Variants in RNF150 observed in about 807,000 individuals in gnomAD.
The protein encoded by RNF150 is ring finger protein 150.
A neutral mutation model predicts 39.3 loss-of-function variants in RNF150; 24 were observed. The observed-to-expected ratio is 0.61, with a 90% CI of 0.44 to 0.86. The LOEUF (loss-of-function observed/expected upper bound fraction) is 0.86, where lower values mean the gene tolerates loss of function less well. Ranked by LOEUF, RNF150 falls within the 40% of genes least tolerant of loss-of-function variation. The probability of loss-of-function intolerance (pLI) is 0.00; values close to 1 mark genes in which losing one functional copy is unlikely to be tolerated. For synonymous variants in RNF150, 255 were observed against 227.3 expected (o/e 1.12, Z -1.10); for missense variants, 502 against 587.8 (o/e 0.85, Z 1.51).
rs1199647583 is a variant in RNF150, at chr4:140,986,233, C to T, written c.485-18360G>A. ...GAAGAAAATGCGCTGCCCACGTCTG[C>T]TTTCTAGAACCTGAACGGAAAGACA... On this transcript the variant is annotated intron_variant, in intron 1 of 6. Coordinates refer to ENST00000515673, the MANE Select transcript of RNF150 (RefSeq NM_020724.2). 5.3e-5 allele frequency among the ~76,000 whole-genome samples: 8 copies of T among 152,168 alleles called. No individual in the cohort carries two copies. In the South Asian group the frequency reaches 1.7e-3, roughly 32 times the overall value.
chr4:140,876,989 T>G (rs1186010275), intron 6 of RNF150, among the ~76,000 whole-genome samples: 1 of 152,248 alleles, frequency 6.6e-6, no homozygotes, highest in Non-Finnish European at 1.5e-5. Flanking sequence ...TGGGGAAGTT[T>G]AAAACATTGT....
At chr4:141,212,656 A>T (rs950254163) in intron 1 of RNF150, 3 of 152,196 alleles carry the variant, frequency 2.0e-5, no homozygotes, top group African/African-American at 7.2e-5. Context: ...AGCTTTATGC[A>T]AGAGTCTCCA....
chr4:140,972,267 T>C (rs1733496345), intron 1 of RNF150, among the ~76,000 whole-genome samples: 1 of 152,146 alleles, frequency 6.6e-6, no homozygotes, highest in Non-Finnish European at 1.5e-5. Context: ...AAATACCATA[T>C]AAATGTAAAG....
intron 1 of RNF150, among the ~76,000 whole-genome samples, chr4:141,177,226 T>A (rs934949299): frequency 1.3e-5 from 2 of 151,886 alleles, no homozygotes; most frequent in African/African-American, 4.8e-5. Flanking sequence ...TAAGACCTTA[T>A]CTCTTAAAAA....
At chr4:141,189,978 G>A (rs1457883321) in intron 1 of RNF150, among the ~76,000 whole-genome samples, 2 of 152,162 alleles carry the variant, frequency 1.3e-5, no homozygotes, top group Admixed American at 1.3e-4. Flanking sequence ...CTTGGTGTCT[G>A]CCCAAACAGC....
intron 1 of RNF150, among the ~76,000 whole-genome samples, chr4:140,997,688 CTGTGTGTGTATATATACACACACATA>C: frequency 7.3e-6 from 1 of 137,150 alleles, no homozygotes; most frequent in Non-Finnish European, 1.6e-5. Context: ...GCACTCCAGC[CTGTGTGTGTATATATACACACACATA>C]TATGTGTGTA....
chr4:140,891,676 G>T (rs1729758383), intron 6 of RNF150, among the ~76,000 whole-genome samples: 1 of 152,102 alleles, frequency 6.6e-6, no homozygotes, highest in Non-Finnish European at 1.5e-5. Flanking sequence ...AAATGGTGTA[G>T]AATCTGCATA....
Position 141,132,374 on chromosome 4 carries a change from G to A in RNF150, c.435C>T (p.Ile145=). The change falls in exon 1 of 7, where the codon ATC becomes ATT. Residue 145 remains isoleucine (I), a synonymous_variant. Coordinates refer to ENST00000515673, the MANE Select transcript of RNF150 (RefSeq NM_020724.2). The surrounding 1 kb of genome is among the most constrained non-coding windows in gnomAD (Gnocchi z 4.9). Reference sequence around the variant, plus strand: ...CGTTGGTGTTGGAGCCCACGTTGAAGATGACCACGGCTGAGGCGTTCTGCA... The same window carrying A: ...CGTTGGTGTTGGAGCCCACGTTGAAAATGACCACGGCTGAGGCGTTCTGCA... ...AFLQNASAVV[I]FNVGSNTNET... is the part of the protein sequence containing the mutation. 6.3e-7 allele frequency: 1 copy of A among 1,599,296 alleles called. No individual in the cohort carries two copies. The highest frequency in any genetic ancestry group is 8.5e-7 in the Non-Finnish European group (1 of 1,173,392).
intron 4 of RNF150, among the ~76,000 whole-genome samples, chr4:140,941,369 A>G (rs1043603933): frequency 1.3e-5 from 2 of 152,240 alleles, no homozygotes; most frequent in Non-Finnish European, 2.9e-5. Flanking sequence ...CTCCAATAAA[A>G]ACAATGGCAA....
At chr4:141,129,045 T>C (rs570201726) in intron 1 of RNF150, among the ~76,000 whole-genome samples, 1 of 152,198 alleles carries the variant, frequency 6.6e-6, no homozygotes, top group Non-Finnish European at 1.5e-5. Context: ...GCAGTTGTTT[T>C]GGAAAACAGT....
At chr4:141,147,320 G>A (rs573805876) in intron 1 of RNF150, among the ~76,000 whole-genome samples, 17 of 152,318 alleles carry the variant, frequency 1.1e-4, no homozygotes, top group African/African-American at 2.2e-4. Flanking sequence ...GCCATTCAAT[G>A]GACCTTCCAT....
chr4:140,895,943 T>C (rs992903055), intron 6 of RNF150, among the ~76,000 whole-genome samples: 2 of 149,056 alleles, frequency 1.3e-5, no homozygotes, highest in East Asian at 1.9e-4. Context: ...GAAATGCTCA[T>C]CATCACTGGC....
chr4:141,209,777 A>C (rs34402449), intron 1 of RNF150, among the ~76,000 whole-genome samples: 37,098 of 151,978 alleles, frequency 0.24, 5,054 homozygotes, highest in East Asian at 0.62. Flanking sequence ...ATAAAAAAAA[A>C]CTCTGATTTC....
chr4:140,958,187 T>C (rs1306682371), intron 2 of RNF150, among the ~76,000 whole-genome samples: 1 of 152,178 alleles, frequency 6.6e-6, no homozygotes, highest in Non-Finnish European at 1.5e-5. Flanking sequence ...ATGCGTTACA[T>C]GCAAATAATG....
chr4:141,162,379 T>C (rs933014076), intron 1 of RNF150, among the ~76,000 whole-genome samples: 2 of 152,202 alleles, frequency 1.3e-5, no homozygotes, highest in African/African-American at 4.8e-5. Flanking sequence ...CTACGCCTCA[T>C]TGCATCTTGG....
Position 140,861,292 on chromosome 4 carries a change from A to C in RNF150, c.*6969T>G, listed in dbSNP as rs1728480292. 1 of 152,230 alleles carries C rather than the reference A, an allele frequency of 6.6e-6. No homozygotes were observed. Among genetic ancestry groups the C allele is most frequent in the African/African-American group, 2.4e-5 (1 of 41,468 alleles). The allele number at this position is 152,230 out of a possible 1,614,324, so 9.4% of individuals were successfully genotyped here. Reference sequence around the variant, plus strand: ...ATAACTGCACAAACATTCTAGCCAGAGGCATCTTCTTTGCAAACAGAGCAA... The same window carrying C: ...ATAACTGCACAAACATTCTAGCCAGCGGCATCTTCTTTGCAAACAGAGCAA... On this transcript the variant is annotated 3_prime_UTR_variant, in exon 7 of 7. Coordinates refer to ENST00000515673, the MANE Select transcript of RNF150 (RefSeq NM_020724.2).
At chr4:140,946,447 T>C (rs1732315073) in intron 4 of RNF150, among the ~76,000 whole-genome samples, 1 of 152,246 alleles carries the variant, frequency 6.6e-6, no homozygotes, top group Non-Finnish European at 1.5e-5. Flanking sequence ...TGGTATATGT[T>C]TTCCTACTTT....
intron 6 of RNF150, among the ~76,000 whole-genome samples, chr4:140,875,193 G>C (rs1037942916): frequency 1.4e-5 from 2 of 143,968 alleles, no homozygotes; most frequent in Non-Finnish European, 1.5e-5. Context: ...GTGAGTGACA[G>C]GGTCTTGCTC....
rs916985523 is a variant in RNF150, at chr4:141,117,768, G to A, written c.484+14557C>T. On this transcript the variant is annotated intron_variant, in intron 1 of 6. Transcript: ENST00000515673. Reference sequence around the variant, plus strand: ...AAGTGAAGTATCGAAGACACCTAATGCAGTGCCTAGAGTCTGTGTGTTCAG... The same window carrying A: ...AAGTGAAGTATCGAAGACACCTAATACAGTGCCTAGAGTCTGTGTGTTCAG... Among the ~76,000 whole-genome samples the A allele has an allele frequency of 5.9e-5, 9 of 152,308 alleles. No individual in the cohort carries two copies. The East Asian group carries it at 1.7e-3, about 29-fold the overall frequency.
Sources: allele counts gnomAD v4.1 joint callset (sites outside exome capture counted in the v4.1 genomes callset), GRCh38; gene constraint gnomAD v4.1.1; non-coding constraint Gnocchi (gnomAD v3.1); transcripts MANE v1.5; gene names NCBI Gene and HGNC (gene_info 2026-07-23, HGNC 2026-07-21).